MINAR1: variants seen among roughly 807,000 people sequenced by gnomAD.
MINAR1 encodes the protein membrane integral NOTCH2 associated receptor 1, also known as major intrinsically disordered Notch2-binding receptor 1.
Under a neutral mutation model 65.1 loss-of-function variants are expected in MINAR1, and 40 were observed. The observed-to-expected ratio is 0.61, with a 90% CI of 0.48 to 0.80. The LOEUF (loss-of-function observed/expected upper bound fraction) is 0.80, where lower values mean the gene tolerates loss of function less well. Ranked by LOEUF, MINAR1 falls within the 30% of genes least tolerant of loss-of-function variation. The pLI, the probability that MINAR1 is intolerant of heterozygous loss-of-function variation, is 0.00. For synonymous variants in MINAR1, 482 were observed against 449.1 expected, an observed-to-expected ratio of 1.07 and a Z score of -0.93; for missense variants, 1,128 against 1,148.0, an observed-to-expected ratio of 0.98 and a Z score of 0.25.
chr15:79,434,830 C>G (rs1322281615), intron 1 of MINAR1, among the ~76,000 whole-genome samples: 1 of 152,224 alleles, frequency 6.6e-6, no homozygotes, highest in African/African-American at 2.4e-5. Context: ...GCTTCAAACT[C>G]ACTATATGAC....
chr15:79,444,184 CATATT>C (rs1894946294), intron 1 of MINAR1, among the ~76,000 whole-genome samples: 3 of 152,122 alleles, frequency 2.0e-5, no homozygotes, highest in Non-Finnish European at 4.4e-5. Flanking sequence ...AAATTAGTAT[CATATT>C]AGTTCCTATT....
At position 79,453,050 on chromosome 15, in the gene MINAR1, C is replaced by A. The variant is rs117867874; in HGVS notation, c.-50-3048C>A. ...CCCCAGAGATTCCAGGCGGCTATTT[C>A]TGCCTTGCTCTGACCAGATCCGGCT... On this transcript the variant is annotated intron_variant, in intron 1 of 3. Transcript: ENST00000305428. Among the ~76,000 whole-genome samples, 1,284 of 136,360 alleles carry A rather than the reference C, an allele frequency of 9.4e-3. 7 individuals are homozygous for A. The highest frequency in any genetic ancestry group is 0.035 in the Middle Eastern group (9 of 256). 89.5% of individuals were successfully genotyped at this position (136,360 alleles called of 152,430 possible).
chr15:79,458,303 C>G lies in MINAR1; in HGVS notation c.2156C>G (p.Thr719Arg). The G allele has an allele frequency of 6.2e-7, 1 of 1,614,210 alleles. No individual in the cohort carries two copies. The highest frequency in any genetic ancestry group is 1.7e-5 in the Admixed American group (1 of 60,022). ...TCCCTAACAGAGGAGAACAGTGCCA[C>G]AGAGTCCAAAATTGCCAGCATCTCC... ...SRSLTEENSATESKIASISNS... is the reference protein window; with the variant it reads ...SRSLTEENSARESKIASISNS... The change falls in exon 2 of 4, where the codon ACA becomes AGA. Residue 719 changes from threonine to arginine, a missense_variant. Coordinates refer to ENST00000305428, the MANE Select transcript of MINAR1 (RefSeq NM_015206.3).
At chr15:79,425,385 A>C in the MINAR1 span, 1 of 152,172 alleles carries the variant, frequency 6.6e-6, no homozygotes, top group African/African-American at 2.4e-5. Flanking sequence ...TGAACACTGC[A>C]AGTTAATAGG....
chr15:79,467,487 G>GTTGA (rs1567063639), intron 3 of MINAR1, among the ~76,000 whole-genome samples: 1 of 152,210 alleles, frequency 6.6e-6, no homozygotes, highest in African/African-American at 2.4e-5. Context: ...CCTGATGACA[G>GTTGA]TTGATTAACC....
At chr15:79,416,948 T>A in the MINAR1 span, 6 of 152,284 alleles carry the variant, frequency 3.9e-5, no homozygotes, top group Non-Finnish European at 8.8e-5. Flanking sequence ...CAGCTGACAA[T>A]GAGCCCTTTC....
At chr15:79,411,748 G>A in the MINAR1 span, 1 of 460,704 alleles carries the variant, frequency 2.2e-6, no homozygotes, top group African/African-American at 1.9e-5. Context: ...AGGGAGAGTT[G>A]CTTGGAGAAG....
At chr15:79,463,892 ACTGGGTTGAT>A (rs1053658465) in intron 3 of MINAR1, 18 of 390,812 alleles carry the variant, frequency 4.6e-5, no homozygotes, top group Non-Finnish European at 8.2e-5. Context: ...TTCCATTCAC[ACTGGGTTGAT>A]CTGTGTCTCC....
In MINAR1 at chr15:79,471,914, C is replaced by G. The variant is rs1219525221; in HGVS notation, c.*3530C>G. 1 of 152,332 alleles carries G rather than the reference C, an allele frequency of 6.6e-6. No individual in the cohort carries two copies. The highest frequency in any genetic ancestry group is 1.5e-5 in the Non-Finnish European group (1 of 67,986). The allele number at this position is 152,332 out of a possible 1,614,324, so 9.4% of individuals were successfully genotyped here. On this transcript the variant is annotated 3_prime_UTR_variant, in exon 4 of 4. Coordinates refer to ENST00000305428, the MANE Select transcript of MINAR1 (RefSeq NM_015206.3). ...TACTATGAAAATTTGTATTTAAAGG[C>G]AAAGATACAAGTAATTGTTGGTATA...
intron 3 of MINAR1, among the ~76,000 whole-genome samples, chr15:79,465,573 G>A (rs768272830): frequency 5.9e-5 from 9 of 152,092 alleles, no homozygotes; most frequent in South Asian, 2.1e-4. Context: ...ATCCCAGCCC[G>A]TAATAGTGTA....
At chr15:79,461,356 A>G (rs79876037) in intron 2 of MINAR1, among the ~76,000 whole-genome samples, 3,043 of 152,364 alleles carry the variant, frequency 0.02, 62 homozygotes, top group Middle Eastern at 0.058. Flanking sequence ...TGAAATGAAG[A>G]CAATGCATGT....
chr15:79,454,789 A>G (rs981164802), intron 1 of MINAR1, among the ~76,000 whole-genome samples: 1 of 152,228 alleles, frequency 6.6e-6, no homozygotes. Flanking sequence ...GGCATGAGGA[A>G]ACTTTCTGGG....
Position 79,468,329 on chromosome 15 carries a change from C to A in MINAR1, c.2696C>A (p.Ala899Glu). The part of the protein sequence containing the change: ...VCKIAALIAA[A>E]ACTVILVIVV... Reference sequence around the variant, plus strand: ...AAGATAGCTGCTCTGATCGCTGCTGCGGCATGCACCGTCATCCTCGTTATT... The same window carrying A: ...AAGATAGCTGCTCTGATCGCTGCTGAGGCATGCACCGTCATCCTCGTTATT... The change falls in exon 4 of 4, where the codon GCG becomes GAG. Residue 899 changes from alanine (A) to glutamate (E), a missense_variant. Coordinates refer to ENST00000305428, the MANE Select transcript of MINAR1 (RefSeq NM_015206.3). The A allele has an allele frequency of 1.9e-6, 3 of 1,614,062 alleles. 1 individual carries two copies. In the South Asian group the frequency reaches 3.3e-5, roughly 18 times the overall value.
Position 79,465,994 on chromosome 15 carries a change from G to A in MINAR1, c.2554-2193G>A, listed in dbSNP as rs74495427. Among the ~76,000 whole-genome samples, 1,649 of 152,210 alleles carry A rather than the reference G, an allele frequency of 0.011. 175 individuals carry two copies. In the East Asian group the frequency reaches 0.25, roughly 23 times the overall value. ...CAACAGTCAGGGTTCAGCAGCAGTG[G>A]AACTGCTCTGGGAAGCTCAGGGAAG... On this transcript the variant is annotated intron_variant, in intron 3 of 3. Coordinates refer to ENST00000305428, the MANE Select transcript of MINAR1 (RefSeq NM_015206.3).
At position 79,457,531 on chromosome 15, in the gene MINAR1, T is replaced by C; in HGVS notation, c.1384T>C (p.Cys462Arg). The C allele has an allele frequency of 6.2e-7, 1 of 1,614,170 alleles. No homozygotes were observed. Residue 462 changes from cysteine to arginine, a missense_variant, in exon 2 of 4, where the codon TGC (cysteine) becomes CGC (arginine). Transcript: ENST00000305428. ...AAAGTTTAAAGACAAGAGCATTAAC[T>C]GCACCAGTGGGCAGCTCAGCTCAGA... ...VKKFKDKSIN[C>R]TSGQLSSDTS...
chr15:79,452,698 G>A (rs1405366455), intron 1 of MINAR1, among the ~76,000 whole-genome samples: 1 of 100,846 alleles, frequency 9.9e-6, no homozygotes, highest in East Asian at 4.2e-4. Flanking sequence ...GTGTGTGGGT[G>A]TCTGGATGAG....
At position 79,439,769 on chromosome 15, in the gene MINAR1, C is replaced by T. The variant is rs28687144; in HGVS notation, c.-51+7229C>T. Among the ~76,000 whole-genome samples the T allele has an allele frequency of 6.2e-4, 94 of 151,992 alleles. 1 individual carries two copies. The highest frequency in any genetic ancestry group is 2.2e-3 in the African/African-American group (91 of 41,380). The stretch of plus-strand genomic sequence containing the variant: ...GTGTCTGGCTCAGGTTGGGTGTTCC[C>T]TAGAGCTATTGGGTGAAAGACGGAA... On this transcript the variant is annotated intron_variant, in intron 1 of 3. Coordinates refer to ENST00000305428, the MANE Select transcript of MINAR1 (RefSeq NM_015206.3).
chr15:79,421,257 T>C, the MINAR1 span: 1 of 152,200 alleles, frequency 6.6e-6, no homozygotes, highest in African/African-American at 2.4e-5. Flanking sequence ...TTACCCTGAT[T>C]TGTGAATTTC....
chr15:79,456,303 C>T lies in MINAR1; in HGVS notation c.156C>T (p.Tyr52=). The part of the protein sequence containing the change: ...QLAKLRSVLF[Y]TACLDPNFPA... ...CCAAACTGAGAAGTGTGCTCTTCTA[C>T]ACAGCTTGTCTCGATCCCAATTTTC... is the stretch of plus-strand genomic sequence containing the variant. The change falls in exon 2 of 4, where the codon TAC becomes TAT. Residue 52 remains tyrosine (Y), a synonymous_variant. Coordinates refer to ENST00000305428, the MANE Select transcript of MINAR1 (RefSeq NM_015206.3). 2.5e-6 allele frequency: 4 copies of T among 1,614,194 alleles called. No homozygotes were observed. Among genetic ancestry groups the T allele is most frequent in the Non-Finnish European group, 3.4e-6 (4 of 1,180,042 alleles).
Sources: gnomAD v4.1 joint callset for allele counts (sites outside exome capture counted in the v4.1 genomes callset) on GRCh38, gnomAD v4.1.1 for gene constraint, MANE v1.5 for transcripts, NCBI Gene and HGNC (gene_info 2026-07-23, HGNC 2026-07-21) for gene names.